The following CACNA2D2 variants were observed in gnomAD, a reference collection of about 807,000 sequenced individuals.
CACNA2D2 encodes the protein calcium voltage-gated channel auxiliary subunit alpha2delta 2, also known as voltage-dependent calcium channel subunit alpha-2/delta-2.
CACNA2D2 carries 48 observed loss-of-function variants against 166.4 expected under a neutral mutation model. The ratio of observed to expected loss-of-function variants is 0.29; its 90% CI spans 0.23 to 0.37. The LOEUF (loss-of-function observed/expected upper bound fraction) is 0.37, where lower values mean the gene tolerates loss of function less well. Ranked by LOEUF, CACNA2D2 falls within the 10% of genes least tolerant of loss-of-function variation. CACNA2D2 has a pLI of 1.00. For missense variants in CACNA2D2, 1,122 were observed against 1,433.0 expected (o/e 0.78, Z 3.50); for synonymous variants, 561 against 573.7 (o/e 0.98, Z 0.32).
intron 1 of CACNA2D2, among the ~76,000 whole-genome samples, chr3:50,500,467 T>TA (rs1168728639): frequency 6.6e-6 from 1 of 151,656 alleles, no homozygotes; most frequent in East Asian, 1.9e-4. Context: ...GAAGGATAGG[T>TA]ACAGCTCGAT....
chr3:50,491,396 G>C (rs751907987), intron 1 of CACNA2D2, among the ~76,000 whole-genome samples: 1 of 152,190 alleles, frequency 6.6e-6, no homozygotes, highest in Non-Finnish European at 1.5e-5. Context: ...AGGGCCAAGG[G>C]GAGGCCCACA....
At chr3:50,463,384 C>T (rs186436146) in intron 2 of CACNA2D2, among the ~76,000 whole-genome samples, 1 of 152,128 alleles carries the variant, frequency 6.6e-6, no homozygotes, top group Non-Finnish European at 1.5e-5. Context: ...TCATTGCAAT[C>T]TCGACCTCAG....
chr3:50,378,904 A>G lies in CACNA2D2; in HGVS notation c.1339+11T>C. 1 of 1,613,624 alleles carries G rather than the reference A, an allele frequency of 6.2e-7. No individual in the cohort carries two copies. Among genetic ancestry groups the G allele is most frequent in the East Asian group, 2.2e-5 (1 of 44,884 alleles). On this transcript the variant is annotated intron_variant, in intron 13 of 37. Transcript: ENST00000424201. ...AGGCAGGCCCCTGACAGTGATGCGC[A>G]GGGGAGGTACCTTTGTTGGCACAGG... is the stretch of plus-strand genomic sequence containing the variant.
rs779783160 is a variant in CACNA2D2 at position 50,366,527 on chromosome 3, G to T, written c.2637+51C>A. 65 of 1,597,064 alleles carry T rather than the reference G, an allele frequency of 4.1e-5. No homozygotes were observed. Among genetic ancestry groups the T allele is most frequent in the Non-Finnish European group, 5.2e-5 (60 of 1,164,632 alleles). ...TGGGAGTCGCGGCTGGGACTAGGAAGTCTGGAAGTGGGGTAAGCTAGGGTC... is the reference window on the plus strand; with the variant it reads ...TGGGAGTCGCGGCTGGGACTAGGAATTCTGGAAGTGGGGTAAGCTAGGGTC... On this transcript the variant is annotated intron_variant, in intron 30 of 37. Coordinates refer to ENST00000424201, the MANE Select transcript of CACNA2D2 (RefSeq NM_006030.4). The surrounding 1 kb of genome is among the most constrained non-coding windows in gnomAD (Gnocchi z 5.9).
At chr3:50,392,491 G>A (rs79316393) in intron 4 of CACNA2D2, among the ~76,000 whole-genome samples, 7,588 of 152,270 alleles carry the variant, frequency 0.05, 277 homozygotes, top group Non-Finnish European at 0.078. Flanking sequence ...GAACAAGGCC[G>A]GGCCCAGGTG....
intron 2 of CACNA2D2, among the ~76,000 whole-genome samples, chr3:50,441,097 G>A (rs1283739178): frequency 6.6e-6 from 1 of 151,988 alleles, no homozygotes; most frequent in Non-Finnish European, 1.5e-5. Flanking sequence ...AGGGCAAGGG[G>A]AGCAGATACC....
At chr3:50,479,131 T>C (rs1697929706) in intron 1 of CACNA2D2, among the ~76,000 whole-genome samples, 1 of 152,194 alleles carries the variant, frequency 6.6e-6, no homozygotes, top group Admixed American at 6.5e-5. Context: ...TAGGATAAAG[T>C]CCAATCCTTC....
intron 3 of CACNA2D2, among the ~76,000 whole-genome samples, chr3:50,409,429 A>T (rs1706884774): frequency 6.6e-6 from 1 of 152,244 alleles, no homozygotes; most frequent in South Asian, 2.1e-4. Context: ...TTGAACAAAA[A>T]GTGCTCCTGA....
chr3:50,395,456 GTC>G (rs1706104202), intron 3 of CACNA2D2, among the ~76,000 whole-genome samples: 1 of 152,168 alleles, frequency 6.6e-6, no homozygotes, highest in South Asian at 2.1e-4. Context: ...GGTGGCTCTG[GTC>G]TCTCACCCCC....
At chr3:50,387,665 C>T (rs369426003) in intron 4 of CACNA2D2, 53 bp from the exon 5 acceptor site, 36 of 1,425,870 alleles carry the variant, frequency 2.5e-5, no homozygotes, top group Middle Eastern at 1.8e-4. Context: ...CCGAGACAGA[C>T]AGGACTCCTA....
chr3:50,384,524 C>T (rs1036025583), intron 5 of CACNA2D2, among the ~76,000 whole-genome samples, 187 bp from the exon 6 acceptor site: 3 of 152,216 alleles, frequency 2.0e-5, no homozygotes, highest in African/African-American at 7.2e-5. Context: ...TTGGACCCCT[C>T]ACCCAAGGGG....
rs948507405 is a variant in CACNA2D2 at position 50,456,980 on chromosome 3, A to C, written c.288+19138T>G. Among the ~76,000 whole-genome samples the C allele has an allele frequency of 9.2e-5, 14 of 152,296 alleles. No homozygotes were observed. The East Asian group carries it at 2.7e-3, about 29-fold the overall frequency. On this transcript the variant is annotated intron_variant, in intron 2 of 37. Coordinates refer to ENST00000424201, the MANE Select transcript of CACNA2D2 (RefSeq NM_006030.4). ...AATGATAAACTGGAGCCAGGTGTGG[A>C]GGCTCATGCCTATAATCCCAGCACT...
intron 1 of CACNA2D2, among the ~76,000 whole-genome samples, chr3:50,485,314 CCT>C (rs1402124704): frequency 6.6e-6 from 1 of 152,216 alleles, no homozygotes; most frequent in African/African-American, 2.4e-5. Context: ...CACTGACTCC[CCT>C]GTCTGTGGCT....
At chr3:50,401,694 C>T (rs911725435) in intron 3 of CACNA2D2, among the ~76,000 whole-genome samples, 2 of 151,982 alleles carry the variant, frequency 1.3e-5, no homozygotes, top group African/African-American at 4.8e-5. Context: ...AAAAAGTGAA[C>T]GTTTTATTTT....
intron 4 of CACNA2D2, among the ~76,000 whole-genome samples, chr3:50,388,991 C>A (rs587695845): frequency 6.6e-6 from 1 of 152,244 alleles, no homozygotes; most frequent in Non-Finnish European, 1.5e-5. Flanking sequence ...CCGTGTCTGG[C>A]GCTTTCTTAC....
intron 2 of CACNA2D2, among the ~76,000 whole-genome samples, chr3:50,443,045 G>A (rs929027806): frequency 1.3e-5 from 2 of 152,168 alleles, no homozygotes; most frequent in African/African-American, 2.4e-5. Context: ...AGAACCAGGG[G>A]CCCCTGTTTG....
At chr3:50,418,310 T>C (rs564327556) in intron 3 of CACNA2D2, among the ~76,000 whole-genome samples, 1 of 152,156 alleles carries the variant, frequency 6.6e-6, no homozygotes, top group East Asian at 1.9e-4. Flanking sequence ...AATGCCAGGG[T>C]TGAAATCCCT....
intron 22 of CACNA2D2, among the ~76,000 whole-genome samples, chr3:50,371,999 G>A (rs1264695018): frequency 6.6e-6 from 1 of 151,958 alleles, no homozygotes; most frequent in African/African-American, 2.4e-5. Context: ...GCTGGACAGG[G>A]CCCCTAGGGC....
rs34662551 is a variant in CACNA2D2 at position 50,381,981 on chromosome 3, TACACACACACACACACAC to T, written c.653-873_653-856del. 1.2e-4 allele frequency among the ~76,000 whole-genome samples: 16 copies of T among 133,464 alleles called. No homozygotes were observed. In the South Asian group the frequency reaches 2.3e-3, roughly 19 times the overall value. The allele number at this position is 133,464 out of a possible 152,430, so 87.6% of individuals were successfully genotyped here. On this transcript the variant is annotated intron_variant, in intron 6 of 37. Transcript: ENST00000424201. The stretch of plus-strand genomic sequence containing the variant: ...GTGATCCCCTGTCCAGATCTATCCC[TACACACACACACACACAC>T]ACACACACACACACACACACACAAA...
Sources: allele counts gnomAD v4.1 joint callset (sites outside exome capture counted in the v4.1 genomes callset), GRCh38; gene constraint gnomAD v4.1.1; non-coding constraint Gnocchi (gnomAD v3.1); transcripts MANE v1.5; gene names NCBI Gene and HGNC (gene_info 2026-07-23, HGNC 2026-07-21).